Variants in SUSD6 observed in about 807,000 individuals in gnomAD.
SUSD6 encodes the protein sushi domain containing 6.
A neutral mutation model predicts 28.4 loss-of-function variants in SUSD6; 16 were observed. That is an observed-to-expected ratio of 0.56 (90% CI 0.38 to 0.86). SUSD6 has a LOEUF of 0.86. Among genes scored for constraint, SUSD6 ranks in the 40% least tolerant of loss-of-function variants. The pLI is 0.00. For missense variants in SUSD6, 341 were observed against 384.2 expected, an observed-to-expected ratio of 0.89 and a Z score of 0.94; for synonymous variants, 147 against 159.6, an observed-to-expected ratio of 0.92 and a Z score of 0.59.
chr14:69,691,253 G>A (rs765046615), intron 2 of SUSD6, among the ~76,000 whole-genome samples: 1 of 152,178 alleles, frequency 6.6e-6, no homozygotes, highest in Non-Finnish European at 1.5e-5. Context: ...TGAGGCATGA[G>A]AATTGCTTCA....
chr14:69,684,957 C>T (rs1455938991), intron 2 of SUSD6, among the ~76,000 whole-genome samples: 1 of 152,236 alleles, frequency 6.6e-6, no homozygotes, highest in Non-Finnish European at 1.5e-5. Context: ...ATAAACTGCT[C>T]ATACCACTCT....
intron 2 of SUSD6, among the ~76,000 whole-genome samples, chr14:69,679,075 A>T (rs1885960288): frequency 6.6e-6 from 1 of 152,220 alleles, no homozygotes; most frequent in African/African-American, 2.4e-5. Context: ...AATTTTTGCC[A>T]GTTTGATGGA....
Position 69,708,871 on chromosome 14 carries a change from C to T in SUSD6, c.653C>T (p.Pro218Leu), listed in dbSNP as rs774683365. ...GRSVPREQQL[P>L]DQGACSSAGG... ...AGCGTGCCAAGGGAGCAACAGCTGCCGGACCAAGGGGCCTGCTCCTCTGCA... is the reference window on the plus strand; with the variant it reads ...AGCGTGCCAAGGGAGCAACAGCTGCTGGACCAAGGGGCCTGCTCCTCTGCA... The change falls in exon 5 of 6, where the codon CCG becomes CTG. Residue 218 changes from proline (P) to leucine (L), a missense_variant. By Grantham distance (98) the Pro-to-Leu change is moderately conservative. Coordinates refer to ENST00000342745, the MANE Select transcript of SUSD6 (RefSeq NM_014734.4). The T allele has an allele frequency of 9.9e-6, 16 of 1,613,940 alleles. No individual in the cohort carries two copies. The highest frequency in any genetic ancestry group is 2.2e-5 in the East Asian group (1 of 44,880).
chr14:69,668,894 G>A (rs1487787765), intron 2 of SUSD6, among the ~76,000 whole-genome samples: 1 of 151,508 alleles, frequency 6.6e-6, no homozygotes, highest in Non-Finnish European at 1.5e-5. Context: ...CATGTGATGT[G>A]CCTGTTCCCT....
chr14:69,657,148 C>T (rs1215701172), intron 1 of SUSD6, among the ~76,000 whole-genome samples: 2 of 152,150 alleles, frequency 1.3e-5, no homozygotes, highest in Non-Finnish European at 2.9e-5. Flanking sequence ...AGTCATGCTT[C>T]AGACACAGAT....
intron 1 of SUSD6, among the ~76,000 whole-genome samples, chr14:69,620,316 G>C (rs1885018940): frequency 2.0e-5 from 3 of 152,188 alleles, no homozygotes; most frequent in African/African-American, 7.2e-5. Flanking sequence ...ATAATAATTT[G>C]TGAGCCGATA....
intron 1 of SUSD6, among the ~76,000 whole-genome samples, chr14:69,632,936 A>G (rs965058843): frequency 6.6e-6 from 1 of 152,202 alleles, no homozygotes; most frequent in Non-Finnish European, 1.5e-5. Context: ...AGACCTTGTC[A>G]TCCGCTGGCC....
chr14:69,697,700 C>T (rs1009795341), intron 2 of SUSD6, among the ~76,000 whole-genome samples: 25 of 152,210 alleles, frequency 1.6e-4, no homozygotes, highest in African/African-American at 5.8e-4. Flanking sequence ...TCCATTCCTT[C>T]CTCCTCTCCT....
chr14:69,615,080 A>G (rs1384413931), intron 1 of SUSD6, among the ~76,000 whole-genome samples: 1 of 152,234 alleles, frequency 6.6e-6, no homozygotes, highest in Non-Finnish European at 1.5e-5. Context: ...AGGAGCCAAT[A>G]GAGGAGGGAG....
At chr14:69,690,628 T>A (rs1016600975) in intron 2 of SUSD6, among the ~76,000 whole-genome samples, 8 of 152,124 alleles carry the variant, frequency 5.3e-5, no homozygotes, top group Non-Finnish European at 8.8e-5. Context: ...TGGTGAAAGT[T>A]CCCCTCTGGA....
chr14:69,705,209 T>C (rs1886370700), intron 4 of SUSD6, among the ~76,000 whole-genome samples: 1 of 151,604 alleles, frequency 6.6e-6, no homozygotes, highest in Non-Finnish European at 1.5e-5. Context: ...TCCCAGCTAC[T>C]CTGGAGGCTG....
chr14:69,702,875 T>G (rs974877497), intron 2 of SUSD6, among the ~76,000 whole-genome samples: 4 of 152,130 alleles, frequency 2.6e-5, no homozygotes, highest in Admixed American at 2.0e-4. Flanking sequence ...TTGACTACTA[T>G]AGTCAGAGAA....
chr14:69,685,685 C>A (rs936914479), intron 2 of SUSD6, among the ~76,000 whole-genome samples: 2 of 152,158 alleles, frequency 1.3e-5, no homozygotes, highest in African/African-American at 4.8e-5. Flanking sequence ...GATTCCGGGC[C>A]TTTAGGGCCA....
intron 1 of SUSD6, among the ~76,000 whole-genome samples, chr14:69,647,233 T>C (rs1238818981): frequency 2.0e-5 from 3 of 152,218 alleles, no homozygotes; most frequent in Non-Finnish European, 4.4e-5. Context: ...ACACTGAAAT[T>C]ATATCAGGAA....
At chr14:69,678,803 A>G (rs1885955190) in intron 2 of SUSD6, among the ~76,000 whole-genome samples, 1 of 152,208 alleles carries the variant, frequency 6.6e-6, no homozygotes. Flanking sequence ...ACCCTATCTC[A>G]GAAAAAGAAA....
chr14:69,703,678 ACTCTT>A, intron 3 of SUSD6, 86 bp downstream of exon 3: 1 of 1,291,034 alleles, frequency 7.7e-7, no homozygotes, highest in Non-Finnish European at 1.1e-6. Flanking sequence ...CCTCCAGAGC[ACTCTT>A]TGCTGTGGTG....
chr14:69,692,507 A>G (rs1362623622), intron 2 of SUSD6, among the ~76,000 whole-genome samples: 1 of 152,194 alleles, frequency 6.6e-6, no homozygotes, highest in Admixed American at 6.5e-5. Context: ...CAAGTTTTAT[A>G]CCACCTTCTT....
intron 2 of SUSD6, among the ~76,000 whole-genome samples, chr14:69,687,739 C>G (rs960598746): frequency 1.3e-5 from 2 of 152,182 alleles, no homozygotes; most frequent in African/African-American, 4.8e-5. Context: ...TGGCTGGCCA[C>G]GACATGGAGT....
At chr14:69,700,404 C>A (rs1210064616) in intron 2 of SUSD6, among the ~76,000 whole-genome samples, 2 of 152,094 alleles carry the variant, frequency 1.3e-5, no homozygotes, top group African/African-American at 4.8e-5. Context: ...ATAATGCTAC[C>A]CTTCTCAAGA....
Sources: allele counts gnomAD v4.1 joint callset (sites outside exome capture counted in the v4.1 genomes callset), GRCh38; gene constraint gnomAD v4.1.1; transcripts MANE v1.5; gene names NCBI Gene and HGNC (gene_info 2026-07-23, HGNC 2026-07-21).